GABRB1: variants seen among roughly 807,000 people sequenced by gnomAD.
GABRB1 encodes gamma-aminobutyric acid receptor subunit beta-1.
GABRB1 carries 17 observed loss-of-function variants against 51.6 expected under a neutral mutation model. The ratio of observed to expected loss-of-function variants is 0.33; its 90% CI spans 0.23 to 0.49. The LOEUF is 0.49. Ranked by LOEUF, GABRB1 falls within the 20% of genes least tolerant of loss-of-function variation. The pLI, the probability that GABRB1 is intolerant of heterozygous loss-of-function variation, is 0.99. For missense variants in GABRB1, 410 were observed against 600.6 expected (o/e 0.68, Z 3.32); for synonymous variants, 247 against 218.9 (o/e 1.13, Z -1.14).
chr4:47,296,539 A>C (rs1441888840), intron 4 of GABRB1, among the ~76,000 whole-genome samples: 32 of 148,728 alleles, frequency 2.2e-4, no homozygotes, highest in African/African-American at 6.3e-4. Context: ...TAAAGGGATC[A>C]ATTCAACAAG....
At chr4:47,019,917 T>TGTATATGTATAC (rs1473112191) in intron 1 of GABRB1, among the ~76,000 whole-genome samples, 1 of 101,220 alleles carries the variant, frequency 9.9e-6, no homozygotes, top group African/African-American at 3.7e-5. Flanking sequence ...TATATGTATA[T>TGTATATGTATAC]GTATACGTAT....
In GABRB1 at chr4:47,075,118, T is replaced by C. The variant is rs1047256659; in HGVS notation, c.240+42634T>C. Among the ~76,000 whole-genome samples, 7 of 152,174 alleles carry C rather than the reference T, an allele frequency of 4.6e-5. No homozygotes were observed. In the East Asian group the frequency reaches 7.7e-4, roughly 17 times the overall value. ...CTACTAGCACTCAGAATTAATTCAG[T>C]TGAAATCAGAGAGAGCAGAAAAGCT... On this transcript the variant is annotated intron_variant, in intron 3 of 8. Coordinates refer to ENST00000295454, the MANE Select transcript of GABRB1 (RefSeq NM_000812.4).
At chr4:47,219,166 T>A (rs968045340) in intron 4 of GABRB1, among the ~76,000 whole-genome samples, 2 of 151,856 alleles carry the variant, frequency 1.3e-5, no homozygotes, top group African/African-American at 2.4e-5. Context: ...GAAATGTTAA[T>A]AAAATGTACA....
intron 3 of GABRB1, among the ~76,000 whole-genome samples, chr4:47,154,260 T>G (rs995383487): frequency 2.2e-4 from 34 of 151,142 alleles, no homozygotes; most frequent in African/African-American, 7.3e-4. Flanking sequence ...TATGGTTGTT[T>G]TTTTTTTTTT....
chr4:47,333,670 G>C (rs536705561), intron 5 of GABRB1, among the ~76,000 whole-genome samples: 1 of 152,102 alleles, frequency 6.6e-6, no homozygotes, highest in African/African-American at 2.4e-5. Flanking sequence ...AGCCAAAATC[G>C]TGCCATTGCA....
At chr4:47,350,216 T>TAGAGAGAGAG (rs1215848383) in intron 5 of GABRB1, among the ~76,000 whole-genome samples, 38 of 73,804 alleles carry the variant, frequency 5.1e-4, no homozygotes, top group South Asian at 1.6e-3. Flanking sequence ...TATATATATA[T>TAGAGAGAGAG]ATAGAGAGAG....
At chr4:47,153,133 C>G (rs1412788678) in intron 3 of GABRB1, among the ~76,000 whole-genome samples, 1 of 152,006 alleles carries the variant, frequency 6.6e-6, no homozygotes. Flanking sequence ...TGCTAAGTCT[C>G]CCCCACTAGC....
intron 4 of GABRB1, among the ~76,000 whole-genome samples, chr4:47,214,900 G>T (rs1481057081): frequency 6.6e-6 from 1 of 152,136 alleles, no homozygotes; most frequent in Admixed American, 6.6e-5. Flanking sequence ...TTCTAGCTAG[G>T]TATATGACAG....
intron 4 of GABRB1, among the ~76,000 whole-genome samples, chr4:47,166,034 G>A (rs548686692): frequency 1.3e-5 from 2 of 151,512 alleles, no homozygotes; most frequent in East Asian, 3.9e-4. Flanking sequence ...TCACTTCCTG[G>A]CCCATTTCCT....
intron 3 of GABRB1, among the ~76,000 whole-genome samples, chr4:47,156,388 C>T (rs760896341): frequency 1.3e-5 from 2 of 151,970 alleles, no homozygotes; most frequent in African/African-American, 2.4e-5. Flanking sequence ...TTGAACCAGA[C>T]AATTCTTTAT....
At chr4:47,323,471 A>ATT (rs71654868) in intron 5 of GABRB1, among the ~76,000 whole-genome samples, 5 of 149,728 alleles carry the variant, frequency 3.3e-5, no homozygotes, top group Admixed American at 2.0e-4. Flanking sequence ...TTATTCATGT[A>ATT]TTTTTTTAAC....
intron 3 of GABRB1, among the ~76,000 whole-genome samples, chr4:47,160,818 G>T (rs1292937475): frequency 2.6e-5 from 4 of 151,328 alleles, no homozygotes; most frequent in Non-Finnish European, 4.4e-5. Context: ...ACAAGGTATT[G>T]CTCCATCACC....
intron 1 of GABRB1, among the ~76,000 whole-genome samples, chr4:47,010,818 A>C (rs1270457213): frequency 1.3e-5 from 2 of 152,156 alleles, no homozygotes; most frequent in African/African-American, 4.8e-5. Flanking sequence ...GATAGTGCCT[A>C]TTTCATAGGA....
intron 4 of GABRB1, among the ~76,000 whole-genome samples, chr4:47,244,396 A>G (rs1721658984): frequency 6.6e-6 from 1 of 152,148 alleles, no homozygotes; most frequent in Admixed American, 6.5e-5. Context: ...TGCTGGCCTC[A>G]TACAATGAGT....
intron 5 of GABRB1, among the ~76,000 whole-genome samples, chr4:47,380,791 A>G (rs1428083295): frequency 6.6e-6 from 1 of 152,224 alleles, no homozygotes; most frequent in African/African-American, 2.4e-5. Context: ...ACTGGACTTC[A>G]TAATCTCTGT....
In GABRB1 at chr4:47,158,007, A is replaced by T. The variant is rs559327575; in HGVS notation, c.241-3242A>T. On this transcript the variant is annotated intron_variant, in intron 3 of 8. Transcript: ENST00000295454. Reference sequence around the variant, plus strand: ...AATTTATAACCACGATATAATTTTTACTCAATATGTATTGAAAACAGAATG... The same window carrying T: ...AATTTATAACCACGATATAATTTTTTCTCAATATGTATTGAAAACAGAATG... Among the ~76,000 whole-genome samples the T allele has an allele frequency of 3.9e-5, 6 of 152,206 alleles. No individual in the cohort carries two copies. In the South Asian group the frequency reaches 6.2e-4, roughly 16 times the overall value.
At chr4:47,390,905 C>T (rs963502285) in intron 5 of GABRB1, among the ~76,000 whole-genome samples, 4 of 152,040 alleles carry the variant, frequency 2.6e-5, no homozygotes, top group Admixed American at 6.6e-5. Flanking sequence ...TGGCCGGGCA[C>T]GGTGGGTCAT....
intron 4 of GABRB1, among the ~76,000 whole-genome samples, chr4:47,217,817 T>C (rs1720614102): frequency 6.6e-6 from 1 of 151,804 alleles, no homozygotes; most frequent in African/African-American, 2.4e-5. Context: ...ACTTCAAACA[T>C]TTATCATTTC....
At chr4:47,179,273 T>C (rs1718842392) in intron 4 of GABRB1, among the ~76,000 whole-genome samples, 3 of 152,142 alleles carry the variant, frequency 2.0e-5, no homozygotes, top group South Asian at 2.1e-4. Flanking sequence ...GCTTCATCCA[T>C]GTCCCTGCAA....
Sources: allele counts gnomAD v4.1 joint callset (sites outside exome capture counted in the v4.1 genomes callset), GRCh38; gene constraint gnomAD v4.1.1; transcripts MANE v1.5; gene names NCBI Gene and HGNC (gene_info 2026-07-23, HGNC 2026-07-21).